Variants in PTPRD observed in about 807,000 individuals in gnomAD.
PTPRD encodes the protein receptor-type tyrosine-protein phosphatase delta.
In PTPRD, 34 loss-of-function variants were observed where a neutral mutation model predicts 214.5. That is an observed-to-expected ratio of 0.16 (90% confidence interval 0.12 to 0.21). The LOEUF is 0.21. PTPRD is among the 10% of genes least tolerant of loss of function. PTPRD has a pLI of 1.00. For missense variants in PTPRD, 2,545 were observed against 2,398.7 expected (o/e 1.06, Z -1.27); for synonymous variants, 1,128 against 845.7 (o/e 1.33, Z -5.79).
intron 7 of PTPRD, among the ~76,000 whole-genome samples, chr9:9,585,518 T>C (rs1034878427): frequency 6.6e-6 from 1 of 152,096 alleles, no homozygotes; most frequent in African/African-American, 2.4e-5. Context: ...GAATTGAAAA[T>C]GTCCAAACAA....
intron 3 of PTPRD, among the ~76,000 whole-genome samples, chr9:10,251,789 A>C (rs1014606128): frequency 6.6e-6 from 1 of 152,140 alleles, no homozygotes; most frequent in Non-Finnish European, 1.5e-5. Context: ...ATGATCTCTT[A>C]TTTGTGGAAT....
chr9:8,415,703 G>A (rs1380615153), intron 35 of PTPRD, among the ~76,000 whole-genome samples: 2 of 152,102 alleles, frequency 1.3e-5, no homozygotes, highest in African/African-American at 4.8e-5. Context: ...TGCTGTGTCA[G>A]TTAGTAGGAG....
chr9:9,147,538 T>C (rs2099870749), intron 10 of PTPRD, among the ~76,000 whole-genome samples: 4 of 152,164 alleles, frequency 2.6e-5, no homozygotes. Flanking sequence ...TAAAAAATAA[T>C]ATGTTGTATC....
intron 3 of PTPRD, among the ~76,000 whole-genome samples, chr9:10,119,603 T>C (rs886577234): frequency 1.3e-5 from 2 of 152,034 alleles, no homozygotes; most frequent in Non-Finnish European, 1.5e-5. Flanking sequence ...TCATTCATTA[T>C]TGAGGGAACC....
intron 2 of PTPRD, among the ~76,000 whole-genome samples, chr9:10,453,929 G>A (rs1348105853): frequency 2.6e-5 from 4 of 151,628 alleles, no homozygotes; most frequent in Non-Finnish European, 1.5e-5. Context: ...GTCAGCTGTA[G>A]GCTTGTCATA....
chr9:10,508,805 T>C (rs2133650544), intron 2 of PTPRD, among the ~76,000 whole-genome samples: 1 of 150,456 alleles, frequency 6.6e-6, no homozygotes. Context: ...GGGGTGGGGG[T>C]AGAGGGGAAG....
At chr9:10,410,980 T>C (rs1042238499) in intron 2 of PTPRD, among the ~76,000 whole-genome samples, 2 of 151,786 alleles carry the variant, frequency 1.3e-5, no homozygotes, top group African/African-American at 4.8e-5. Flanking sequence ...TGAGTTTTAT[T>C]ACCTTCATTT....
At position 8,421,969 on chromosome 9, in the gene PTPRD, G is replaced by A. The variant is rs576031919; in HGVS notation, c.4086+14623C>T. Among the ~76,000 whole-genome samples the A allele has an allele frequency of 1.5e-3, 224 of 151,332 alleles. 2 individuals are homozygous for A. Among genetic ancestry groups the A allele is most frequent in the Middle Eastern group, 3.4e-3 (1 of 290 alleles). On this transcript the variant is annotated intron_variant, in intron 35 of 45. Coordinates refer to ENST00000381196, the MANE Select transcript of PTPRD (RefSeq NM_002839.4). The stretch of plus-strand genomic sequence containing the variant: ...TCGAGACCAACCTGTGCAACATGGC[G>A]AAACCTCATCTCTACAAAAAATGAA...
intron 2 of PTPRD, among the ~76,000 whole-genome samples, chr9:10,596,741 G>T (rs184352378): frequency 5.9e-5 from 9 of 151,620 alleles, no homozygotes; most frequent in Admixed American, 5.9e-4. Flanking sequence ...AATTTACTTT[G>T]TCAGGGATAA....
intron 4 of PTPRD, among the ~76,000 whole-genome samples, chr9:9,947,504 ATATATATAATATATATATTATATATATTT>A (rs1566621252): frequency 0.034 from 934 of 27,206 alleles, 66 homozygotes; most frequent in African/African-American, 0.11. Context: ...TATATATTTT[ATATATATAATATATATATTATATATATTT>A]TATATATAAT....
chr9:9,670,479 G>GAA (rs1250407587), intron 7 of PTPRD, among the ~76,000 whole-genome samples: 1 of 152,172 alleles, frequency 6.6e-6, no homozygotes, highest in Non-Finnish European at 1.5e-5. Context: ...AAGTAACAAG[G>GAA]AACCAAATGT....
At chr9:10,563,924 T>C (rs896906009) in intron 2 of PTPRD, among the ~76,000 whole-genome samples, 1 of 151,844 alleles carries the variant, frequency 6.6e-6, no homozygotes, top group Non-Finnish European at 1.5e-5. Flanking sequence ...TAAAATTATG[T>C]TTGATAGAAA....
chr9:10,481,691 A>G (rs964296773), intron 2 of PTPRD, among the ~76,000 whole-genome samples: 5 of 152,238 alleles, frequency 3.3e-5, no homozygotes, highest in Non-Finnish European at 7.3e-5. Context: ...ATTAAATGTT[A>G]AAAATCCTCA....
chr9:10,077,213 T>C (rs1234675658), intron 3 of PTPRD, among the ~76,000 whole-genome samples: 1 of 152,174 alleles, frequency 6.6e-6, no homozygotes, highest in Non-Finnish European at 1.5e-5. Flanking sequence ...TGTAATACTT[T>C]ATCATCCTTT....
rs147939799 is a variant in PTPRD at position 9,246,376 on chromosome 9, A to C, written c.-202-63013T>G. On this transcript the variant is annotated intron_variant, in intron 9 of 45. Transcript: ENST00000381196. ...ACCACTTGATATGGACTTCAGAAAAATCACCAGATTAGCTTATACATACAC... is the reference window on the plus strand; with the variant it reads ...ACCACTTGATATGGACTTCAGAAAACTCACCAGATTAGCTTATACATACAC... Among the ~76,000 whole-genome samples the C allele has an allele frequency of 5.7e-4, 87 of 152,154 alleles. 1 individual carries two copies. The highest frequency in any genetic ancestry group is 2.0e-3 in the African/African-American group (81 of 41,536).
chr9:9,605,287 A>G (rs965943231), intron 7 of PTPRD, among the ~76,000 whole-genome samples: 1 of 152,168 alleles, frequency 6.6e-6, no homozygotes, highest in South Asian at 2.1e-4. Context: ...GCTATGATTG[A>G]AACATGTTTA....
intron 5 of PTPRD, among the ~76,000 whole-genome samples, chr9:9,860,629 T>C (rs2062526297): frequency 6.6e-6 from 1 of 152,192 alleles, no homozygotes; most frequent in Admixed American, 6.5e-5. Context: ...TTTCACACTC[T>C]GAAGGAAAAC....
chr9:8,550,335 C>T (rs2081647001), intron 14 of PTPRD, among the ~76,000 whole-genome samples: 1 of 152,022 alleles, frequency 6.6e-6, no homozygotes, highest in East Asian at 1.9e-4. Flanking sequence ...GTATGGCACT[C>T]AAAAGTAGAT....
chr9:9,589,942 A>G (rs563495196), intron 7 of PTPRD, among the ~76,000 whole-genome samples: 9 of 151,944 alleles, frequency 5.9e-5, no homozygotes, highest in Non-Finnish European at 1.0e-4. Flanking sequence ...ATATCTATCC[A>G]AAGCGCTCAA....
Sources: allele counts gnomAD v4.1 joint callset (sites outside exome capture counted in the v4.1 genomes callset), GRCh38; gene constraint gnomAD v4.1.1; transcripts MANE v1.5; gene names NCBI Gene and HGNC (gene_info 2026-07-23, HGNC 2026-07-21).